The following MACROD2 variants were observed in gnomAD, a reference collection of about 807,000 sequenced individuals.
MACROD2 encodes the protein mono-ADP ribosylhydrolase 2.
MACROD2 carries 36 observed loss-of-function variants against 70.4 expected under a neutral mutation model. The observed-to-expected ratio is 0.51, with a 90% CI of 0.39 to 0.68. The LOEUF (loss-of-function observed/expected upper bound fraction) is 0.68, where lower values mean the gene tolerates loss of function less well. MACROD2 is among the 30% of genes least tolerant of loss of function. The pLI is 0.00. For missense variants in MACROD2, 496 were observed against 538.4 expected (o/e 0.92, Z 0.78); for synonymous variants, 172 against 178.8 (o/e 0.96, Z 0.30).
chr20:15,376,502 C>T (rs1191264352), intron 6 of MACROD2, among the ~76,000 whole-genome samples: 1 of 152,102 alleles, frequency 6.6e-6, no homozygotes, highest in African/African-American at 2.4e-5. Context: ...TTTTTATATG[C>T]CTTATTGCTA....
At chr20:14,779,545 C>T (rs1272501516) in intron 5 of MACROD2, among the ~76,000 whole-genome samples, 4 of 152,090 alleles carry the variant, frequency 2.6e-5, no homozygotes, top group African/African-American at 9.7e-5. Flanking sequence ...CTACCGCTTT[C>T]TATTATTCAA....
chr20:15,187,433 A>C (rs2076541282), intron 5 of MACROD2, among the ~76,000 whole-genome samples: 1 of 152,218 alleles, frequency 6.6e-6, no homozygotes, highest in African/African-American at 2.4e-5. Context: ...TGGATCAACT[A>C]AAGTCAGCCT....
At position 15,084,319 on chromosome 20, in the gene MACROD2, C is replaced by G. The variant is rs368057431; in HGVS notation, c.419-145621C>G. Among the ~76,000 whole-genome samples, 72 of 152,150 alleles carry G rather than the reference C, an allele frequency of 4.7e-4. 2 individuals are homozygous for G. The South Asian group carries it at 0.014, about 30-fold the overall frequency. The stretch of plus-strand genomic sequence containing the variant: ...CTGACCTCATGTGATCTGCCCACCT[C>G]AGCATCCCAAAGTGCTGGGATTACA... On this transcript the variant is annotated intron_variant, in intron 5 of 17. Coordinates refer to ENST00000684519, the MANE Select transcript of MACROD2 (RefSeq NM_001351661.2).
intron 9 of MACROD2, among the ~76,000 whole-genome samples, chr20:15,878,376 G>T (rs2064705598): frequency 6.6e-6 from 1 of 152,086 alleles, no homozygotes; most frequent in African/African-American, 2.4e-5. Flanking sequence ...ACTTCAGTGT[G>T]CATGAGTGTC....
intron 15 of MACROD2, among the ~76,000 whole-genome samples, chr20:16,011,762 C>G (rs2147528188): frequency 6.6e-6 from 1 of 152,320 alleles, no homozygotes; most frequent in East Asian, 1.9e-4. Flanking sequence ...GTGATCAGTC[C>G]TTGACTGGGA....
chr20:15,088,606 A>G (rs1462067042), intron 5 of MACROD2, among the ~76,000 whole-genome samples: 1 of 151,614 alleles, frequency 6.6e-6, no homozygotes, highest in Admixed American at 6.6e-5. Context: ...GAGGATACAA[A>G]TAAGGAAATG....
intron 3 of MACROD2, among the ~76,000 whole-genome samples, chr20:14,134,629 AC>A (rs1282391785): frequency 1.3e-5 from 2 of 152,014 alleles, no homozygotes; most frequent in African/African-American, 2.4e-5. Context: ...ACATGGTGAA[AC>A]CCTGTCTCTA....
chr20:14,196,166 A>G (rs563164243), intron 3 of MACROD2, among the ~76,000 whole-genome samples: 1 of 152,264 alleles, frequency 6.6e-6, no homozygotes, highest in South Asian at 2.1e-4. Flanking sequence ...GAGGGGGACA[A>G]GGGAGTTTTT....
intron 2 of MACROD2, among the ~76,000 whole-genome samples, chr20:14,022,758 G>A (rs138457747): frequency 2.5e-3 from 379 of 152,060 alleles, no homozygotes; most frequent in African/African-American, 8.5e-3. Flanking sequence ...TCCATGTCCC[G>A]GCAAAAGAGA....
intron 4 of MACROD2, among the ~76,000 whole-genome samples, chr20:14,616,044 C>T (rs990810730): frequency 7.9e-5 from 12 of 152,106 alleles, no homozygotes; most frequent in Admixed American, 7.2e-4. Flanking sequence ...AAGGAAGAGA[C>T]AAGTGTGACC....
chr20:14,369,707 C>G (rs951637003), intron 3 of MACROD2, among the ~76,000 whole-genome samples: 1 of 152,114 alleles, frequency 6.6e-6, no homozygotes, highest in African/African-American at 2.4e-5. Context: ...TTCCTATTTA[C>G]CTTTTTTCTC....
intron 3 of MACROD2, among the ~76,000 whole-genome samples, chr20:14,161,191 C>CTTTTTTTTTTTTTTT (rs376789442): frequency 1.5e-5 from 2 of 136,932 alleles, no homozygotes; most frequent in Non-Finnish European, 3.1e-5. Flanking sequence ...TTTTCTTTTT[C>CTTTTTTTTTTTTTTT]TTTTTTTTTT....
intron 6 of MACROD2, among the ~76,000 whole-genome samples, chr20:15,311,758 C>A (rs1460881656): frequency 6.6e-6 from 1 of 152,040 alleles, no homozygotes; most frequent in African/African-American, 2.4e-5. Flanking sequence ...ATAAAGATGA[C>A]ACAATCGACA....
chr20:15,573,858 A>G (rs1174989168), intron 8 of MACROD2, among the ~76,000 whole-genome samples: 1 of 152,142 alleles, frequency 6.6e-6, no homozygotes. Context: ...ATTGACAGGC[A>G]TCTGTGACAA....
chr20:14,198,355 C>G (rs1309919549), intron 3 of MACROD2, among the ~76,000 whole-genome samples: 2 of 152,112 alleles, frequency 1.3e-5, no homozygotes, highest in Non-Finnish European at 2.9e-5. Flanking sequence ...GATTACATGA[C>G]CAAACATTGC....
chr20:15,349,333 T>C (rs777349493), intron 6 of MACROD2, among the ~76,000 whole-genome samples: 1 of 152,218 alleles, frequency 6.6e-6, no homozygotes, highest in African/African-American at 2.4e-5. Context: ...GTGTAACCTG[T>C]GGGCCATGTG....
chr20:15,524,949 T>C (rs1177053585), intron 8 of MACROD2, among the ~76,000 whole-genome samples: 1 of 152,222 alleles, frequency 6.6e-6, no homozygotes, highest in Non-Finnish European at 1.5e-5. Flanking sequence ...CTCTAGATTC[T>C]TAGGCTCTGG....
At chr20:14,372,308 A>C (rs1446799398) in intron 3 of MACROD2, among the ~76,000 whole-genome samples, 2 of 152,216 alleles carry the variant, frequency 1.3e-5, no homozygotes, top group Admixed American at 1.3e-4. Flanking sequence ...TATCCTAAAT[A>C]AAATATTAGC....
chr20:15,190,358 A>G (rs1396818317), intron 5 of MACROD2, among the ~76,000 whole-genome samples: 1 of 152,170 alleles, frequency 6.6e-6, no homozygotes, highest in Non-Finnish European at 1.5e-5. Context: ...ATGGCTCAGC[A>G]GATGAGCTCA....
Sources: allele counts gnomAD v4.1 joint callset (sites outside exome capture counted in the v4.1 genomes callset), GRCh38; gene constraint gnomAD v4.1.1; transcripts MANE v1.5; gene names NCBI Gene and HGNC (gene_info 2026-07-23, HGNC 2026-07-21).